Variants in PCDHB4 observed in about 807,000 individuals in gnomAD.
The protein encoded by PCDHB4 is protocadherin beta 4, also known as protocadherin beta-4.
For missense variants in PCDHB4, 1,063 were observed against 1,007.0 expected (o/e 1.06, Z -0.75); for synonymous variants, 482 against 447.3 (o/e 1.08, Z -0.98).
chr5:141,122,673 C>G lies in PCDHB4; in HGVS notation c.675C>G (p.Val225=), dbSNP rs960734794. 4 of 1,614,178 alleles carry G rather than the reference C, an allele frequency of 2.5e-6. No homozygotes were observed. The East Asian group carries it at 8.9e-5, about 36-fold the overall frequency. The change falls in exon 1 of 1, where the codon GTC becomes GTG. Residue 225 remains valine (V), a synonymous_variant. Coordinates refer to ENST00000194152, the MANE Select transcript of PCDHB4 (RefSeq NM_018938.4). ...GGTCACCACCTAGGTCTGGCACGGT[C>G]ATGGTTCGAATCCTGATCATGGACA... ...DGGSPPRSGT[V]MVRILIMDIN... is the part of the protein sequence containing the mutation.
Position 141,124,560 on chromosome 5 carries a change from A to G in PCDHB4, c.*174A>G, listed in dbSNP as rs539434600. 1.8e-6 allele frequency: 1 copy of G among 547,282 alleles called. No individual in the cohort carries two copies. The highest frequency in any genetic ancestry group is 3.1e-6 in the Non-Finnish European group (1 of 322,824). The allele number at this position is 547,282 out of a possible 1,614,324, so 33.9% of individuals were successfully genotyped here. On this transcript the variant is annotated 3_prime_UTR_variant, in exon 1 of 1. Coordinates refer to ENST00000194152, the MANE Select transcript of PCDHB4 (RefSeq NM_018938.4). ...TTTTTATTGTTATTAATTGCACTTA[A>G]CATTTTTAGTTATACTGGATATTGA...
In PCDHB4 at chr5:141,124,495, C is replaced by A; in HGVS notation, c.*109C>A. 1.1e-6 allele frequency: 1 copy of A among 946,982 alleles called. No homozygotes were observed. The allele number at this position is 946,982 out of a possible 1,614,324, so 58.7% of individuals were successfully genotyped here. ...TATCTAAATATTCATACCACAATTT[C>A]AAACCTACTCATGTCCCTGATAAAG... On this transcript the variant is annotated 3_prime_UTR_variant, in exon 1 of 1. Transcript: ENST00000194152.
At position 141,123,606 on chromosome 5, in the gene PCDHB4, T is replaced by G; in HGVS notation, c.1608T>G (p.Gly536=). ...TCCGCGTGGGCGCCTCAGACCGCGGTTCTCCGGCTTTGAGCAGCGAGGCGC... is the reference window on the plus strand; with the variant it reads ...TCCGCGTGGGCGCCTCAGACCGCGGGTCTCCGGCTTTGAGCAGCGAGGCGC... ...FEFRVGASDR[G]SPALSSEALV... Residue 536 remains glycine, a synonymous_variant, in exon 1 of 1, where the codon GGT becomes GGG. Coordinates refer to ENST00000194152, the MANE Select transcript of PCDHB4 (RefSeq NM_018938.4). The G allele has an allele frequency of 6.2e-7, 1 of 1,601,012 alleles. No individual in the cohort carries two copies. The highest frequency in any genetic ancestry group is 8.5e-7 in the Non-Finnish European group (1 of 1,175,308).
rs782206428 is a variant in PCDHB4, at chr5:141,123,352, C to G, written c.1354C>G (p.Gln452Glu). 36 of 1,613,986 alleles carry G rather than the reference C, an allele frequency of 2.2e-5. No homozygotes were observed. The highest frequency in any genetic ancestry group is 3.1e-5 in the Non-Finnish European group (36 of 1,180,042). ...CAATGACAACGCCCCCGCCTTCACC[C>G]AAACCTCCTACACCCTGTTCGTCCG... ...DVNDNAPAFTQTSYTLFVREN... is the reference protein window; with the variant it reads ...DVNDNAPAFTETSYTLFVREN... The change falls in exon 1 of 1, where the codon CAA becomes GAA. Residue 452 changes from glutamine to glutamate, a missense_variant. Gln to Glu is a conservative substitution (Grantham distance 29). Transcript: ENST00000194152.
At position 141,124,352 on chromosome 5, in the gene PCDHB4, A is replaced by C. The variant is rs782284669; in HGVS notation, c.2354A>C (p.Asn785Thr). ...GACACCGGGAGGGAAGTTAAGGAAA[A>C]CCCCAAGTTCAGAAATAGCTTGGTA... ...VQDTGREVKE[N>T]PKFRNSLVFS The change falls in exon 1 of 1, where the codon AAC becomes ACC. Residue 785 changes from asparagine to threonine, a missense_variant. Physicochemically the swap from Asn to Thr is moderately conservative, Grantham distance 65. Coordinates refer to ENST00000194152, the MANE Select transcript of PCDHB4 (RefSeq NM_018938.4). 1.2e-6 allele frequency: 2 copies of C among 1,610,864 alleles called. No individual in the cohort carries two copies. The highest frequency in any genetic ancestry group is 8.5e-7 in the Non-Finnish European group (1 of 1,178,734).
rs782816305 is a variant in PCDHB4, at chr5:141,122,886, C to G, written c.888C>G (p.Val296=). The G allele has an allele frequency of 6.2e-7, 1 of 1,612,500 alleles. No homozygotes were observed. The change falls in exon 1 of 1, where the codon GTC becomes GTG. Residue 296 remains valine, a synonymous_variant. Transcript: ENST00000194152. Reference sequence around the variant, plus strand: ...AACAAACTTTCTCAATAAATGAAGTCACGGGAGAAATACTGTTGAAAAAAA... The same window carrying G: ...AACAAACTTTCTCAATAAATGAAGTGACGGGAGAAATACTGTTGAAAAAAA... ...EIKQTFSINE[V]TGEILLKKKL...
chr5:141,124,256 G>A lies in PCDHB4; in HGVS notation c.2258G>A (p.Cys753Tyr). 1 of 1,614,174 alleles carries A rather than the reference G, an allele frequency of 6.2e-7. No homozygotes were observed. Among genetic ancestry groups the A allele is most frequent in the Non-Finnish European group, 8.5e-7 (1 of 1,180,030 alleles). Residue 753 changes from cysteine to tyrosine, a missense_variant, in exon 1 of 1, where the codon TGT becomes TAT. Cys to Tyr is a radical substitution (Grantham distance 194). Transcript: ENST00000194152. ...TLSQSYQYEV[C>Y]LTGDSGTGEF... ...TCCCAGAGCTACCAGTACGAGGTGTGTCTGACAGGAGACTCTGGGACTGGT... is the reference window on the plus strand; with the variant it reads ...TCCCAGAGCTACCAGTACGAGGTGTATCTGACAGGAGACTCTGGGACTGGT...
chr5:141,123,896 A>G lies in PCDHB4; in HGVS notation c.1898A>G (p.Asp633Gly), dbSNP rs1334663235. 3.1e-6 allele frequency: 5 copies of G among 1,606,644 alleles called. No individual in the cohort carries two copies. Among genetic ancestry groups the G allele is most frequent in the Middle Eastern group, 2.3e-4 (1 of 4,440 alleles). ...ACCGCCAGGCTGCTGAGCGAGCGCG[A>G]CGCAGCCAAGCACAGGCTCGTGGTG... ...VRTARLLSERDAAKHRLVVLV... is the reference protein window; with the variant it reads ...VRTARLLSERGAAKHRLVVLV... The change falls in exon 1 of 1, where the codon GAC (aspartate) becomes GGC (glycine). Residue 633 changes from aspartate to glycine, a missense_variant. Physicochemically the swap from Asp to Gly is moderately conservative, Grantham distance 94 (BLOSUM62 -1). Coordinates refer to ENST00000194152, the MANE Select transcript of PCDHB4 (RefSeq NM_018938.4).
rs553841407 is a variant in PCDHB4, at chr5:141,124,491, A to G, written c.*105A>G. 116 of 975,268 alleles carry G rather than the reference A, an allele frequency of 1.2e-4. No individual in the cohort carries two copies. The African/African-American group carries it at 1.7e-3, about 14-fold the overall frequency. 60.4% of individuals were successfully genotyped at this position (975,268 alleles called of 1,614,324 possible). On this transcript the variant is annotated 3_prime_UTR_variant, in exon 1 of 1. Transcript: ENST00000194152. The stretch of plus-strand genomic sequence containing the variant: ...TACTTATCTAAATATTCATACCACA[A>G]TTTCAAACCTACTCATGTCCCTGAT...
At position 141,121,857 on chromosome 5, in the gene PCDHB4, G is replaced by T; in HGVS notation, c.-142G>T. On this transcript the variant is annotated 5_prime_UTR_variant, in exon 1 of 1. Coordinates refer to ENST00000194152, the MANE Select transcript of PCDHB4 (RefSeq NM_018938.4). Reference sequence around the variant, plus strand: ...TTACAAGCAGTGCAGGTTTACCAACGGCTTGGGGCAGCGATATACTAAACA... The same window carrying T: ...TTACAAGCAGTGCAGGTTTACCAACTGCTTGGGGCAGCGATATACTAAACA... 1.6e-6 allele frequency: 1 copy of T among 607,278 alleles called. No individual in the cohort carries two copies. Among genetic ancestry groups the T allele is most frequent in the Non-Finnish European group, 2.9e-6 (1 of 346,146 alleles). The allele number at this position is 607,278 out of a possible 1,614,324, so 37.6% of individuals were successfully genotyped here.
chr5:141,124,339 G>C lies in PCDHB4; in HGVS notation c.2341G>C (p.Glu781Gln), dbSNP rs1554274781. The C allele has an allele frequency of 6.2e-7, 1 of 1,613,374 alleles. No homozygotes were observed. Among genetic ancestry groups the C allele is most frequent in the Non-Finnish European group, 8.5e-7 (1 of 1,179,746 alleles). ...TCTCTTGGTTCAGGACACCGGGAGG[G>C]AAGTTAAGGAAAACCCCAAGTTCAG... ...PNLLVQDTGR[E>Q]VKENPKFRNS... Residue 781 changes from glutamate (E) to glutamine (Q), a missense_variant, in exon 1 of 1, where the codon GAA becomes CAA. Transcript: ENST00000194152.
Position 141,122,488 on chromosome 5 carries a change from A to G in PCDHB4, c.490A>G (p.Asn164Asp), listed in dbSNP as rs1337712012. The change falls in exon 1 of 1, where the codon AAT becomes GAT. Residue 164 changes from asparagine to aspartate, a missense_variant. Physicochemically the swap from Asn to Asp is conservative, Grantham distance 23 (BLOSUM62 1). Transcript: ENST00000194152. ...LIAEDLDVGS[N>D]GLQKYTISPN... Reference sequence around the variant, plus strand: ...AGCTGAGGATTTGGATGTGGGCAGCAATGGTCTTCAAAAATACACAATCAG... The same window carrying G: ...AGCTGAGGATTTGGATGTGGGCAGCGATGGTCTTCAAAAATACACAATCAG... 5 of 1,614,114 alleles carry G rather than the reference A, an allele frequency of 3.1e-6. No homozygotes were observed. The highest frequency in any genetic ancestry group is 1.1e-5 in the South Asian group (1 of 91,082).
In PCDHB4 at chr5:141,123,933, C is replaced by G. The variant is rs1554274668; in HGVS notation, c.1935C>G (p.Asp645Glu). The G allele has an allele frequency of 6.2e-7, 1 of 1,605,070 alleles. No individual in the cohort carries two copies. Among genetic ancestry groups the G allele is most frequent in the Non-Finnish European group, 8.5e-7 (1 of 1,179,694 alleles). ...ACAGGCTCGTGGTGCTTGTCAAGGA[C>G]AATGGCGAGCCTCCGCGCTCGGCCA... ...AKHRLVVLVK[D>E]NGEPPRSATA... is the part of the protein sequence containing the mutation. Residue 645 changes from aspartate (D) to glutamate (E), a missense_variant, in exon 1 of 1, where the codon GAC becomes GAG. Asp to Glu is a conservative substitution (Grantham distance 45, BLOSUM62 2). Coordinates refer to ENST00000194152, the MANE Select transcript of PCDHB4 (RefSeq NM_018938.4).
rs1430660471 is a variant in PCDHB4 at position 141,123,584 on chromosome 5, G to T, written c.1586G>T (p.Arg529Leu). 6 of 1,612,558 alleles carry T rather than the reference G, an allele frequency of 3.7e-6. No homozygotes were observed. Among genetic ancestry groups the T allele is most frequent in the South Asian group, 1.1e-5 (1 of 91,010 alleles). ...DYEALQAFEF[R>L]VGASDRGSPA... is the part of the protein sequence containing the mutation. ...GAGGCCCTGCAGGCGTTCGAGTTCC[G>T]CGTGGGCGCCTCAGACCGCGGTTCT... Residue 529 changes from arginine to leucine, a missense_variant, in exon 1 of 1, where the codon CGC becomes CTC. Transcript: ENST00000194152.
In PCDHB4 at chr5:141,123,406, G is replaced by T; in HGVS notation, c.1408G>T (p.Gly470Cys). 6.2e-7 allele frequency: 1 copy of T among 1,613,434 alleles called. No individual in the cohort carries two copies. Among genetic ancestry groups the T allele is most frequent in the Non-Finnish European group, 8.5e-7 (1 of 1,180,024 alleles). The change falls in exon 1 of 1, where the codon GGC becomes TGC. Residue 470 changes from glycine (G) to cysteine (C), a missense_variant. Physicochemically the swap from Gly to Cys is radical, Grantham distance 159. Transcript: ENST00000194152. Reference sequence around the variant, plus strand: ...GAACAACAGCCCCGCCCTGCACATCGGCAGTGTCAGCGCCACAGACAGAGA... The same window carrying T: ...GAACAACAGCCCCGCCCTGCACATCTGCAGTGTCAGCGCCACAGACAGAGA... ...RENNSPALHIGSVSATDRDSG... is the reference protein window; with the variant it reads ...RENNSPALHICSVSATDRDSG...
Position 141,122,422 on chromosome 5 carries a change from C to T in PCDHB4, c.424C>T (p.Leu142=), listed in dbSNP as rs1752304033. Residue 142 remains leucine, a synonymous_variant, in exon 1 of 1, where the codon CTA becomes TTA. Coordinates refer to ENST00000194152, the MANE Select transcript of PCDHB4 (RefSeq NM_018938.4). ...FPEREVLLKI[L]ENSQPGTLFP... Reference sequence around the variant, plus strand: ...TGAAAGGGAAGTGCTCTTGAAAATACTAGAAAATAGCCAGCCGGGTACTCT... The same window carrying T: ...TGAAAGGGAAGTGCTCTTGAAAATATTAGAAAATAGCCAGCCGGGTACTCT... 3.1e-6 allele frequency: 5 copies of T among 1,614,192 alleles called. No individual in the cohort carries two copies. In the African/African-American group the frequency reaches 5.3e-5, roughly 17 times the overall value.
rs1752301138 is a variant in PCDHB4 at position 141,122,318 on chromosome 5, T to G, written c.320T>G (p.Val107Gly). 1 of 1,614,020 alleles carries G rather than the reference T, an allele frequency of 6.2e-7. No homozygotes were observed. The highest frequency in any genetic ancestry group is 8.5e-7 in the Non-Finnish European group (1 of 1,179,960). ...GAACCGTGTGTACTGCATTTCCAAG[T>G]GTTCCTGGAAATGCCGGTGCAATTT... is the stretch of plus-strand genomic sequence containing the variant. The part of the protein sequence containing the change: ...PIEPCVLHFQ[V>G]FLEMPVQFFQ... The change falls in exon 1 of 1, where the codon GTG becomes GGG. Residue 107 changes from valine (V) to glycine (G), a missense_variant. By Grantham distance (109) the Val-to-Gly change is moderately radical. Transcript: ENST00000194152.
chr5:141,122,698 A>C lies in PCDHB4; in HGVS notation c.700A>C (p.Ile234Leu). ...CATGGTTCGAATCCTGATCATGGAC[A>C]TCAATGACAATGCTCCTGAGTTTGT... ...TVMVRILIMD[I>L]NDNAPEFVHT... The change falls in exon 1 of 1, where the codon ATC becomes CTC. Residue 234 changes from isoleucine to leucine, a missense_variant. By Grantham distance (5) the Ile-to-Leu change is conservative. Coordinates refer to ENST00000194152, the MANE Select transcript of PCDHB4 (RefSeq NM_018938.4). 1 of 1,614,174 alleles carries C rather than the reference A, an allele frequency of 6.2e-7. No individual in the cohort carries two copies. The highest frequency in any genetic ancestry group is 1.1e-5 in the South Asian group (1 of 91,070).
Position 141,124,469 on chromosome 5 carries a change from T to C in PCDHB4, c.*83T>C. 1 of 1,186,410 alleles carries C rather than the reference T, an allele frequency of 8.4e-7. No homozygotes were observed. The highest frequency in any genetic ancestry group is 1.2e-6 in the Non-Finnish European group (1 of 852,668). The allele number at this position is 1,186,410 out of a possible 1,614,324, so 73.5% of individuals were successfully genotyped here. A position where few individuals can be genotyped will look rare whatever the true frequency, so the allele number is the denominator to read the frequency against. On this transcript the variant is annotated 3_prime_UTR_variant, in exon 1 of 1. Transcript: ENST00000194152. ...GCCTTTATTTAAAAAAATTGTCTAC[T>C]TATCTAAATATTCATACCACAATTT...
Sources: allele counts gnomAD v4.1 joint callset, GRCh38; gene constraint gnomAD v4.1.1; transcripts MANE v1.5; gene names NCBI Gene and HGNC (gene_info 2026-07-23, HGNC 2026-07-21).